Variants in CENPE observed in about 807,000 individuals in gnomAD.
CENPE encodes centromere-associated protein E.
Under a neutral mutation model 336.1 loss-of-function variants are expected in CENPE, and 145 were observed. The observed-to-expected ratio is 0.43, with a 90% confidence interval of 0.38 to 0.50. The LOEUF is 0.50. Ranked by LOEUF, CENPE falls within the 20% of genes least tolerant of loss-of-function variation. The probability of loss-of-function intolerance (pLI) is 0.00; values close to 1 mark genes in which losing one functional copy is unlikely to be tolerated. For synonymous variants in CENPE, 1,013 were observed against 984.8 expected (o/e 1.03, Z -0.54); for missense variants, 2,719 against 3,023.3 (o/e 0.90, Z 2.36).
chr4:103,143,968 G>A (rs1259162652), intron 33 of CENPE, among the ~76,000 whole-genome samples: 2 of 151,676 alleles, frequency 1.3e-5, no homozygotes, highest in Admixed American at 6.6e-5. Context: ...ATGGAGTCTT[G>A]CTCTGTCGCC....
Position 103,196,860 on chromosome 4 carries a change from T to A in CENPE, c.57-10A>T. 1 of 1,342,290 alleles carries A rather than the reference T, an allele frequency of 7.4e-7. No individual in the cohort carries two copies. The highest frequency in any genetic ancestry group is 1.1e-6 in the Non-Finnish European group (1 of 936,684). 83.1% of individuals were successfully genotyped at this position (1,342,290 alleles called of 1,614,324 possible). On this transcript the variant is annotated splice_polypyrimidine_tract_variant and intron_variant, in intron 1 of 48. Transcript: ENST00000265148. Reference sequence around the variant, plus strand: ...TCCAAGTGATTCTTCTCTAAAAGAATAAAAACACCGCATTTTAACCAGTCA... The same window carrying A: ...TCCAAGTGATTCTTCTCTAAAAGAAAAAAAACACCGCATTTTAACCAGTCA...
At chr4:103,192,121 G>A (rs539008899) in intron 8 of CENPE, among the ~76,000 whole-genome samples, 1 of 152,298 alleles carries the variant, frequency 6.6e-6, no homozygotes, top group African/African-American at 2.4e-5. Context: ...TATTGTGAGT[G>A]ATTTGAAAGA....
In CENPE at chr4:103,136,294, G is replaced by C. The variant is rs759915667; in HGVS notation, c.6369C>G (p.Asp2123Glu). The C allele has an allele frequency of 1.2e-6, 2 of 1,613,248 alleles. No homozygotes were observed. The highest frequency in any genetic ancestry group is 1.3e-5 in the African/African-American group (1 of 74,998). ...TTTGGAATTCAATTTCCTTCTCCAA[G>C]TCAAGAGACAATCTATTCAAGCACT... ...HYECLNRLSL[D>E]LEKEIEFQKE... The change falls in exon 40 of 49, where the codon GAC (aspartate) becomes GAG (glutamate). Residue 2123 changes from aspartate to glutamate, a missense_variant. By Grantham distance (45) the Asp-to-Glu change is conservative. This residue lies in a region of CENPE where 2,437 missense variants were observed against 2,513.3 expected (regional missense o/e 0.97). Coordinates refer to ENST00000265148, the MANE Select transcript of CENPE (RefSeq NM_001813.3).
At chr4:103,185,934 AT>A in intron 8 of CENPE, 73 bp from the exon 9 acceptor site, 1 of 966,934 alleles carries the variant, frequency 1.0e-6, no homozygotes. Flanking sequence ...CTGAAAGAAC[AT>A]TTTTAATACA....
chr4:103,153,103 T>C lies in CENPE; in HGVS notation c.3181A>G (p.Ser1061Gly). The C allele has an allele frequency of 6.2e-7, 1 of 1,613,122 alleles. No homozygotes were observed. The highest frequency in any genetic ancestry group is 2.2e-5 in the East Asian group (1 of 44,774). ...AATTGTTCCTTTTCTGCTATAACAC[T>C]CTCTAACATTTGTTGGAGTTCATTT... ...EKNELQQMLE[S>G]VIAEKEQLKT... Residue 1061 changes from serine to glycine, a missense_variant, in exon 25 of 49, where the codon AGT (serine) becomes GGT (glycine). Transcript: ENST00000265148.
chr4:103,158,255 T>TA, intron 24 of CENPE, 45 bp downstream of exon 24: 6 of 1,431,706 alleles, frequency 4.2e-6, no homozygotes, highest in Non-Finnish European at 5.7e-6. Flanking sequence ...GGTTAAAGAG[T>TA]ATATATACAA....
At position 103,194,238 on chromosome 4, in the gene CENPE, T is replaced by C; in HGVS notation, c.684A>G (p.Val228=). The C allele has an allele frequency of 1.2e-6, 2 of 1,612,026 alleles. No homozygotes were observed. Among genetic ancestry groups the C allele is most frequent in the Non-Finnish European group, 1.7e-6 (2 of 1,178,704 alleles). The stretch of plus-strand genomic sequence containing the variant: ...GTTCATTAATACTCACCAAATGGGA[T>C]ACCTTAACAGATCCTTCACAATTAG... ...EPSNCEGSVK[V]SHLNLVDLAG... is the part of the protein sequence containing the mutation. Residue 228 remains valine, a synonymous_variant, in exon 8 of 49, where the codon GTA becomes GTG. Coordinates refer to ENST00000265148, the MANE Select transcript of CENPE (RefSeq NM_001813.3).
At chr4:103,150,655 T>C (rs934571565) in intron 26 of CENPE, among the ~76,000 whole-genome samples, 1 of 152,104 alleles carries the variant, frequency 6.6e-6, no homozygotes, top group African/African-American at 2.4e-5. Flanking sequence ...CTATATTATC[T>C]ATTATGCAAG....
intron 42 of CENPE, among the ~76,000 whole-genome samples, chr4:103,124,830 G>C (rs58782343): frequency 6.6e-6 from 1 of 151,890 alleles, no homozygotes; most frequent in Non-Finnish European, 1.5e-5. Flanking sequence ...TAAATTCGTC[G>C]TGTTCCTGAC....
Position 103,136,166 on chromosome 4 carries a change from A to G in CENPE, c.6497T>C (p.Phe2166Ser), listed in dbSNP as rs766708081. 1.9e-6 allele frequency: 3 copies of G among 1,613,538 alleles called. No individual in the cohort carries two copies. The highest frequency in any genetic ancestry group is 2.5e-6 in the Non-Finnish European group (3 of 1,179,728). ...CTTCAGTTTCTTCATGATTCTGTGG[A>G]ATTCCATGGAGCATCTCTGGTTTGC... ...FTANQRCSME[F>S]HRIMKKLKYV... The change falls in exon 40 of 49, where the codon TTC becomes TCC. Residue 2166 changes from phenylalanine to serine, a missense_variant. Coordinates refer to ENST00000265148, the MANE Select transcript of CENPE (RefSeq NM_001813.3).
intron 18 of CENPE, among the ~76,000 whole-genome samples, chr4:103,162,459 A>G (rs758890496): frequency 6.6e-6 from 1 of 152,304 alleles, no homozygotes; most frequent in Middle Eastern, 3.4e-3. Flanking sequence ...AATCATCTAG[A>G]GCTATAAAAT....
rs576875164 is a variant in CENPE, at chr4:103,109,041, G to A, written c.7773C>T (p.Thr2591=). ...SNEVKTWKER[T]LKREAHKQVT... Reference sequence around the variant, plus strand: ...CTTGTTTGTGAGCCTCTCTTTTAAGGGTTCTTTCCTTCCAAGTTTTGACCT... The same window carrying A: ...CTTGTTTGTGAGCCTCTCTTTTAAGAGTTCTTTCCTTCCAAGTTTTGACCT... Residue 2591 remains threonine, a synonymous_variant, in exon 48 of 49, where the codon ACC becomes ACT. Transcript: ENST00000265148. The A allele has an allele frequency of 2.5e-6, 4 of 1,613,044 alleles. No homozygotes were observed. Among genetic ancestry groups the A allele is most frequent in the East Asian group, 4.5e-5 (2 of 44,824 alleles).
chr4:103,136,262 A>C lies in CENPE; in HGVS notation c.6401T>G (p.Leu2134Arg), dbSNP rs1375905173. Residue 2134 changes from leucine (L) to arginine (R), a missense_variant, in exon 40 of 49, where the codon CTT becomes CGT. Transcript: ENST00000265148. The part of the protein sequence containing the change: ...LEKEIEFQKE[L>R]SMRVKANLSL... ...GAGGTTTGCTTTAACTCTCATTGAA[A>C]GCTCTTTTTGGAATTCAATTTCCTT... The C allele has an allele frequency of 5.6e-6, 9 of 1,613,520 alleles. No individual in the cohort carries two copies. Among genetic ancestry groups the C allele is most frequent in the Non-Finnish European group, 7.6e-6 (9 of 1,179,706 alleles).
In CENPE at chr4:103,140,881, C is replaced by T; in HGVS notation, c.5687G>A (p.Arg1896Lys). 6.2e-7 allele frequency: 1 copy of T among 1,612,404 alleles called. No individual in the cohort carries two copies. The highest frequency in any genetic ancestry group is 1.1e-5 in the South Asian group (1 of 90,752). Reference sequence around the variant, plus strand: ...CTCCAGTTTGAGTGTCTCCTCTACTCTTCTTAGATTATCTCTTTCTTTCAT... The same window carrying T: ...CTCCAGTTTGAGTGTCTCCTCTACTTTTCTTAGATTATCTCTTTCTTTCAT... Reference protein sequence around the residue: ...SVMKERDNLRRVEETLKLERD... With the variant: ...SVMKERDNLRKVEETLKLERD... Residue 1896 changes from arginine to lysine, a missense_variant, in exon 36 of 49, where the codon AGA becomes AAA. By Grantham distance (26) the Arg-to-Lys change is conservative (BLOSUM62 2). This residue lies in a region of CENPE where 2,437 missense variants were observed against 2,513.3 expected (regional missense o/e 0.97). Transcript: ENST00000265148.
intron 29 of CENPE, among the ~76,000 whole-genome samples, chr4:103,146,964 T>C (rs1753107368): frequency 1.3e-5 from 2 of 152,110 alleles, no homozygotes; most frequent in African/African-American, 4.8e-5. Flanking sequence ...AGGAGGCATA[T>C]TAGTAGGGAT....
At position 103,147,658 on chromosome 4, in the gene CENPE, C is replaced by G. The variant is rs1226546722; in HGVS notation, c.3844-12G>C. The G allele has an allele frequency of 1.3e-6, 2 of 1,592,284 alleles. No homozygotes were observed. The highest frequency in any genetic ancestry group is 2.7e-5 in the African/African-American group (2 of 73,838). On this transcript the variant is annotated splice_polypyrimidine_tract_variant and intron_variant, in intron 28 of 48. Coordinates refer to ENST00000265148, the MANE Select transcript of CENPE (RefSeq NM_001813.3). ...TGAAGCACTGGGATCTTAGGACATT[C>G]ATAAAATACCAAGGTTACTATCAGG...
At chr4:103,145,475 C>T (rs1378090542) in intron 31 of CENPE, 48 bp downstream of exon 31, 2 of 1,538,128 alleles carry the variant, frequency 1.3e-6, no homozygotes, top group African/African-American at 2.7e-5. Flanking sequence ...CAGTTAGCTA[C>T]TCCAAACCCA....
chr4:103,106,388 G>T lies in CENPE; in HGVS notation c.8012-72C>A, dbSNP rs530431919. 9.3e-6 allele frequency: 11 copies of T among 1,189,090 alleles called. No individual in the cohort carries two copies. In the South Asian group the frequency reaches 1.5e-4, roughly 16 times the overall value. The allele number at this position is 1,189,090 out of a possible 1,614,324, so 73.7% of individuals were successfully genotyped here. A position where few individuals can be genotyped will look rare whatever the true frequency, so the allele number is the denominator to read the frequency against. On this transcript the variant is annotated intron_variant, in intron 48 of 48. Transcript: ENST00000265148. Reference sequence around the variant, plus strand: ...CAAAAACCAAGCACAGCTGGAAGTGGAAAGGAGGTTAAGACAGGAGAGATG... The same window carrying T: ...CAAAAACCAAGCACAGCTGGAAGTGTAAAGGAGGTTAAGACAGGAGAGATG...
chr4:103,180,715 C>T (rs1756258355), intron 12 of CENPE, among the ~76,000 whole-genome samples: 1 of 152,106 alleles, frequency 6.6e-6, no homozygotes. Context: ...GTATAAGACA[C>T]CAATGCTGTT....
Sources: allele counts gnomAD v4.1 joint callset (sites outside exome capture counted in the v4.1 genomes callset), GRCh38; gene constraint gnomAD v4.1.1; regional missense constraint gnomAD v4.1.1; transcripts MANE v1.5; gene names NCBI Gene and HGNC (gene_info 2026-07-23, HGNC 2026-07-21).